Variants in ULK4 observed in about 807,000 individuals in gnomAD.
ULK4 encodes the protein unc-51 like kinase 4.
In ULK4, 133 loss-of-function variants were observed where a neutral mutation model predicts 160.6. The ratio of observed to expected loss-of-function variants is 0.83; its 90% CI spans 0.72 to 0.96. The LOEUF (loss-of-function observed/expected upper bound fraction) is 0.96, where lower values mean the gene tolerates loss of function less well. ULK4 is among the 40% of genes least tolerant of loss of function. The pLI, the probability that ULK4 is intolerant of heterozygous loss-of-function variation, is 0.00. For synonymous variants in ULK4, 534 were observed against 539.8 expected (o/e 0.99, Z 0.15); for missense variants, 1,580 against 1,499.5 (o/e 1.05, Z -0.89).
At chr3:41,762,655 C>CTTTTT (rs35695794) in intron 21 of ULK4, among the ~76,000 whole-genome samples, 17 of 89,002 alleles carry the variant, frequency 1.9e-4, no homozygotes, top group East Asian at 3.3e-4. Flanking sequence ...AAGTGTTACA[C>CTTTTT]TTTTTTTTTT....
chr3:41,387,011 T>A (rs889698632), intron 35 of ULK4, among the ~76,000 whole-genome samples: 1 of 152,162 alleles, frequency 6.6e-6, no homozygotes, highest in Non-Finnish European at 1.5e-5. Flanking sequence ...ACTTTCTGAA[T>A]CCGTCTTGCT....
chr3:41,363,930 C>CTTTTTT (rs1383431993), intron 35 of ULK4, among the ~76,000 whole-genome samples: 2 of 135,004 alleles, frequency 1.5e-5, no homozygotes, highest in Admixed American at 7.1e-5. Context: ...CAAATTCTCT[C>CTTTTTT]TCTTTTTTTT....
chr3:41,594,720 G>A (rs1183505585), intron 31 of ULK4, among the ~76,000 whole-genome samples: 1 of 152,114 alleles, frequency 6.6e-6, no homozygotes, highest in Admixed American at 6.5e-5. Context: ...AAGCTGAAGA[G>A]GAATATATAA....
intron 35 of ULK4, among the ~76,000 whole-genome samples, chr3:41,295,899 T>C (rs73083824): frequency 0.024 from 3,584 of 152,322 alleles, 60 homozygotes; most frequent in Middle Eastern, 0.044. Context: ...ACTTGTGCTC[T>C]ATGGTATTTA....
chr3:41,656,912 G>A (rs764267365), intron 30 of ULK4, among the ~76,000 whole-genome samples: 19 of 152,094 alleles, frequency 1.2e-4, no homozygotes, highest in Non-Finnish European at 2.4e-4. Context: ...AGGAAGATTT[G>A]CTGAAAGCTA....
chr3:41,602,251 A>AAGGAAAGGAAAGG (rs1559425415), intron 31 of ULK4, among the ~76,000 whole-genome samples: 2 of 86,704 alleles, frequency 2.3e-5, no homozygotes, highest in Non-Finnish European at 4.5e-5. Context: ...AAGGAAGAGA[A>AAGGAAAGGAAAGG]AAAGGAAAGG....
At chr3:41,283,797 CA>C (rs1392944589) in intron 35 of ULK4, among the ~76,000 whole-genome samples, 4 of 148,984 alleles carry the variant, frequency 2.7e-5, no homozygotes, top group South Asian at 2.1e-4. Flanking sequence ...AACAAACAGA[CA>C]AAAAAAAACC....
chr3:41,325,067 A>T (rs2080314818), intron 35 of ULK4, among the ~76,000 whole-genome samples: 1 of 152,202 alleles, frequency 6.6e-6, no homozygotes, highest in African/African-American at 2.4e-5. Flanking sequence ...TACGGTGGTG[A>T]GAATGTCCCT....
chr3:41,898,646 G>A (rs184686721), intron 13 of ULK4, among the ~76,000 whole-genome samples, 154 bp from the exon 14 acceptor site: 1 of 152,264 alleles, frequency 6.6e-6, no homozygotes, highest in East Asian at 1.9e-4. Flanking sequence ...TGACTTTTCG[G>A]ATTAAAACAC....
chr3:41,944,310 T>C (rs544923593), intron 2 of ULK4, among the ~76,000 whole-genome samples: 2 of 152,292 alleles, frequency 1.3e-5, no homozygotes, highest in South Asian at 2.1e-4. Flanking sequence ...ATAAACCACC[T>C]GCTTTAAGAC....
chr3:41,825,821 G>A (rs562230691), intron 18 of ULK4, among the ~76,000 whole-genome samples: 2 of 152,182 alleles, frequency 1.3e-5, no homozygotes, highest in South Asian at 4.2e-4. Context: ...CCACAAAAAT[G>A]CTTCTCAAGA....
chr3:41,732,186 G>A (rs562697081), intron 22 of ULK4, among the ~76,000 whole-genome samples: 7 of 152,060 alleles, frequency 4.6e-5, no homozygotes, highest in African/African-American at 1.2e-4. Flanking sequence ...TGAACAGACA[G>A]GCTACAGAAT....
intron 31 of ULK4, among the ~76,000 whole-genome samples, chr3:41,610,892 G>C (rs902210460): frequency 2.0e-5 from 3 of 152,146 alleles, no homozygotes; most frequent in African/African-American, 7.2e-5. Flanking sequence ...GCATTAAAAT[G>C]ATTTACTGAA....
intron 35 of ULK4, among the ~76,000 whole-genome samples, chr3:41,256,141 A>C (rs985655088): frequency 6.6e-6 from 1 of 152,252 alleles, no homozygotes; most frequent in African/African-American, 2.4e-5. Flanking sequence ...AGGTCTAATG[A>C]AATTCCTATC....
intron 17 of ULK4, among the ~76,000 whole-genome samples, chr3:41,873,200 T>C (rs77263817): frequency 2.8e-4 from 43 of 151,050 alleles, no homozygotes; most frequent in African/African-American, 1.0e-3. Context: ...TCTATCTCTC[T>C]ATGTAGGTAA....
chr3:41,351,948 C>T (rs1486147113), intron 35 of ULK4, among the ~76,000 whole-genome samples: 1 of 152,166 alleles, frequency 6.6e-6, no homozygotes, highest in African/African-American at 2.4e-5. Context: ...GGGACTAAAG[C>T]TTACATATTA....
rs1033741442 is a variant in ULK4 at position 41,389,802 on chromosome 3, A to G, written c.3678+8277T>C. Among the ~76,000 whole-genome samples the G allele has an allele frequency of 3.9e-5, 6 of 152,092 alleles. No individual in the cohort carries two copies. In the East Asian group the frequency reaches 5.8e-4, roughly 15 times the overall value. On this transcript the variant is annotated intron_variant, in intron 35 of 36. Coordinates refer to ENST00000301831, the MANE Select transcript of ULK4 (RefSeq NM_017886.4). ...TATTTTATTGAGGATTTTTGCATCGATGTTCATCAGGGATACTGGTCTAAA... is the reference window on the plus strand; with the variant it reads ...TATTTTATTGAGGATTTTTGCATCGGTGTTCATCAGGGATACTGGTCTAAA...
At chr3:41,270,276 G>C (rs6794072) in intron 35 of ULK4, among the ~76,000 whole-genome samples, 1 of 151,716 alleles carries the variant, frequency 6.6e-6, no homozygotes, top group Admixed American at 6.6e-5. Flanking sequence ...TGGGGCTGGA[G>C]AGTCATGCTA....
At chr3:41,495,975 T>C (rs1038639985) in intron 32 of ULK4, among the ~76,000 whole-genome samples, 49 of 152,122 alleles carry the variant, frequency 3.2e-4, no homozygotes, top group African/African-American at 1.0e-3. Context: ...CCATAAAAGA[T>C]TTATAGATAA....
Sources: gnomAD v4.1 joint callset for allele counts (sites outside exome capture counted in the v4.1 genomes callset) on GRCh38, gnomAD v4.1.1 for gene constraint, MANE v1.5 for transcripts, NCBI Gene and HGNC (gene_info 2026-07-23, HGNC 2026-07-21) for gene names.